LRRIQ1: variants seen among roughly 807,000 people sequenced by gnomAD.
LRRIQ1 encodes the protein leucine-rich repeat- and IQ domain-containing protein 1.
LRRIQ1 carries 210 observed loss-of-function variants against 211.9 expected under a neutral mutation model. The observed-to-expected ratio is 0.99, with a 90% confidence interval of 0.89 to 1.11. The LOEUF is 1.11. Among genes scored for constraint, LRRIQ1 ranks in the 50% most tolerant of loss-of-function variants. The pLI, the probability that LRRIQ1 is intolerant of heterozygous loss-of-function variation, is 0.00. For missense variants in LRRIQ1, 2,136 were observed against 1,939.5 expected, an observed-to-expected ratio of 1.10 and a Z score of -1.90; for synonymous variants, 699 against 650.1, an observed-to-expected ratio of 1.08 and a Z score of -1.14.
intron 3 of LRRIQ1, among the ~76,000 whole-genome samples, chr12:85,042,448 T>C (rs1879004506): frequency 6.7e-6 from 1 of 148,214 alleles, no homozygotes. Flanking sequence ...TTTAATTTAT[T>C]AAATTAAAAT....
rs142157015 is a variant in LRRIQ1, at chr12:85,098,042, C to T, written c.2888-313C>T. On this transcript the variant is annotated intron_variant, in intron 11 of 26. Transcript: ENST00000393217. ...AAAACTATTCTTTTAAGAAAAAAGT[C>T]GTTATATCTCTCCCTTGTTTTGTTC... Among the ~76,000 whole-genome samples the T allele has an allele frequency of 4.2e-3, 635 of 152,160 alleles. 2 individuals are homozygous for T. The highest frequency in any genetic ancestry group is 0.014 in the African/African-American group (597 of 41,546).
intron 11 of LRRIQ1, among the ~76,000 whole-genome samples, chr12:85,074,185 C>CT: frequency 6.6e-6 from 1 of 152,032 alleles, no homozygotes; most frequent in Non-Finnish European, 1.5e-5. Flanking sequence ...ATGTATCAAT[C>CT]TTTTTAAGGC....
chr12:85,099,115 A>C, intron 13 of LRRIQ1, 121 bp downstream of exon 13: 2 of 523,826 alleles, frequency 3.8e-6, no homozygotes, highest in East Asian at 4.0e-5. Flanking sequence ...ATCAAAATAA[A>C]TTAGTATATA....
chr12:85,117,532 C>T (rs918702708), intron 15 of LRRIQ1, among the ~76,000 whole-genome samples: 1 of 152,048 alleles, frequency 6.6e-6, no homozygotes, highest in African/African-American at 2.4e-5. Flanking sequence ...CTTTGGCAGA[C>T]CTCCTTTTTT....
At chr12:85,140,148 A>T (rs896225840) in intron 19 of LRRIQ1, among the ~76,000 whole-genome samples, 2 of 151,388 alleles carry the variant, frequency 1.3e-5, no homozygotes, top group African/African-American at 2.4e-5. Context: ...AACTGAATTT[A>T]ATTTACCTTG....
At chr12:85,237,781 C>T (rs753894373) in intron 26 of LRRIQ1, among the ~76,000 whole-genome samples, 2 of 151,978 alleles carry the variant, frequency 1.3e-5, no homozygotes, top group Non-Finnish European at 2.9e-5. Context: ...AAATCAACTG[C>T]CTGCTAGAAT....
At chr12:85,215,238 C>T (rs1245521682) in intron 24 of LRRIQ1, among the ~76,000 whole-genome samples, 1 of 152,170 alleles carries the variant, frequency 6.6e-6, no homozygotes, top group African/African-American at 2.4e-5. Flanking sequence ...ATTTGACAAA[C>T]AACTTTGACA....
intron 5 of LRRIQ1, 91 bp from the exon 6 acceptor site, chr12:85,047,156 A>C: frequency 1.7e-6 from 1 of 585,288 alleles, no homozygotes; most frequent in South Asian, 2.6e-5. Flanking sequence ...TAAAATTAAA[A>C]AAAAATTAAA....
At chr12:85,067,200 A>G (rs924805181) in intron 10 of LRRIQ1, among the ~76,000 whole-genome samples, 2 of 151,894 alleles carry the variant, frequency 1.3e-5, no homozygotes, top group Non-Finnish European at 2.9e-5. Flanking sequence ...GTGCCATGAT[A>G]TTTTTATGGA....
At chr12:85,081,495 C>T (rs1884282498) in intron 11 of LRRIQ1, among the ~76,000 whole-genome samples, 2 of 150,934 alleles carry the variant, frequency 1.3e-5, no homozygotes, top group African/African-American at 4.9e-5. Context: ...CCTTTAGTAG[C>T]TATATACTTT....
At chr12:85,243,313 TTTATTATTATTATTATTATTA>T (rs10682844) in intron 26 of LRRIQ1, among the ~76,000 whole-genome samples, 2 of 140,732 alleles carry the variant, frequency 1.4e-5, no homozygotes, top group Non-Finnish European at 3.1e-5. Context: ...ATGTATAACT[TTTATTATTATTATTATTATTA>T]TTATTATTAT....
intron 11 of LRRIQ1, among the ~76,000 whole-genome samples, chr12:85,092,596 A>C (rs1170333978): frequency 6.6e-6 from 1 of 152,208 alleles, no homozygotes; most frequent in Non-Finnish European, 1.5e-5. Context: ...TCACGAGTTC[A>C]TTGCAACAAA....
chr12:85,270,401 T>C, the LRRIQ1 span, among the ~76,000 whole-genome samples: 2 of 152,066 alleles, frequency 1.3e-5, no homozygotes, highest in Non-Finnish European at 2.9e-5. Context: ...GTTTATAGCC[T>C]ACCTGAATAG....
At chr12:85,122,361 A>G (rs1330729676) in intron 16 of LRRIQ1, among the ~76,000 whole-genome samples, 1 of 152,152 alleles carries the variant, frequency 6.6e-6, no homozygotes, top group Non-Finnish European at 1.5e-5. Flanking sequence ...AGAAAAAAGC[A>G]GTCAGCACTT....
rs755297789 is a variant in LRRIQ1 at position 85,160,684 on chromosome 12, G to T, written c.4792G>T (p.Val1598Leu). 6 of 1,609,210 alleles carry T rather than the reference G, an allele frequency of 3.7e-6. No individual in the cohort carries two copies. The highest frequency in any genetic ancestry group is 5.1e-6 in the Non-Finnish European group (6 of 1,176,322). The change falls in exon 24 of 27, where the codon GTA (valine) becomes TTA (leucine). Residue 1598 changes from valine (V) to leucine (L), a missense_variant. By Grantham distance (32) the Val-to-Leu change is conservative. Coordinates refer to ENST00000393217, the MANE Select transcript of LRRIQ1 (RefSeq NM_001079910.2). Reference protein sequence around the residue: ...KVSLPKSPKMVQPRRDGYFEG... With the variant: ...KVSLPKSPKMLQPRRDGYFEG... ...GTCTCTTCCAAAATCACCAAAGATG[G>T]TACAGCCCAGAAGAGATGGTTACTT...
chr12:85,236,112 G>C (rs1470883490), intron 26 of LRRIQ1, among the ~76,000 whole-genome samples: 1 of 152,070 alleles, frequency 6.6e-6, no homozygotes, highest in Non-Finnish European at 1.5e-5. Flanking sequence ...TACAACAGTG[G>C]ACAGAATTCA....
At chr12:85,079,244 C>CTTTTTTTTTT (rs3058476) in intron 11 of LRRIQ1, among the ~76,000 whole-genome samples, 1 of 103,578 alleles carries the variant, frequency 9.7e-6, no homozygotes, top group African/African-American at 4.1e-5. Context: ...GTATCTTTAT[C>CTTTTTTTTTT]TTTTTTTTTT....
intron 11 of LRRIQ1, among the ~76,000 whole-genome samples, chr12:85,091,488 C>T (rs1885387515): frequency 6.6e-6 from 1 of 152,064 alleles, no homozygotes; most frequent in Non-Finnish European, 1.5e-5. Flanking sequence ...TTTACAGAAG[C>T]TCTTTAGTTT....
intron 24 of LRRIQ1, among the ~76,000 whole-genome samples, chr12:85,201,193 G>T (rs1447865129): frequency 6.8e-6 from 1 of 146,538 alleles, no homozygotes; most frequent in Non-Finnish European, 1.5e-5. Context: ...GAGGATTTTT[G>T]TATCGATGTT....
Sources: gnomAD v4.1 joint callset for allele counts (sites outside exome capture counted in the v4.1 genomes callset) on GRCh38, gnomAD v4.1.1 for gene constraint, MANE v1.5 for transcripts, NCBI Gene and HGNC (gene_info 2026-07-23, HGNC 2026-07-21) for gene names.